Variants in NMS observed in about 807,000 individuals in gnomAD.
The protein encoded by NMS is neuromedin S.
NMS carries 30 observed loss-of-function variants against 32.2 expected under a neutral mutation model. The ratio of observed to expected loss-of-function variants is 0.93; its 90% CI spans 0.70 to 1.26. NMS has a LOEUF of 1.26. NMS is among the 50% of genes most tolerant of loss of function. The pLI is 0.00. For missense variants in NMS, 190 were observed against 186.3 expected (o/e 1.02, Z -0.12); for synonymous variants, 76 against 58.5 (o/e 1.30, Z -1.37).
intron 7 of NMS, 89 bp downstream of exon 7, chr2:100,480,620 C>G (rs1188071614): frequency 2.0e-5 from 26 of 1,312,818 alleles, no homozygotes; most frequent in Non-Finnish European, 2.6e-5. Context: ...ACCCTGCAGC[C>G]CCTCCAGACC....
rs1573239589 is a variant in NMS at position 100,482,807 on chromosome 2, G to A, written c.450-445G>A. Among the ~76,000 whole-genome samples, 4 of 152,320 alleles carry A rather than the reference G, an allele frequency of 2.6e-5. No homozygotes were observed. The South Asian group carries it at 8.3e-4, about 32-fold the overall frequency. On this transcript the variant is annotated intron_variant, in intron 9 of 9. Transcript: ENST00000376865. ...GAGATCCAGAGTTTTAATCTGGAAC[G>A]ATTCCTTGGCCTTCAGGCCTGTGGA...
chr2:100,482,765 C>T (rs1458660627), intron 9 of NMS, among the ~76,000 whole-genome samples: 1 of 152,202 alleles, frequency 6.6e-6, no homozygotes, highest in African/African-American at 2.4e-5. Context: ...GCTGTTTCCC[C>T]CTTCCAATGG....
intron 6 of NMS, 65 bp downstream of exon 6, chr2:100,479,492 C>A: frequency 7.3e-7 from 1 of 1,367,808 alleles, no homozygotes; most frequent in Non-Finnish European, 1.0e-6. Context: ...GTGGTAAAAG[C>A]ATGCTGTCAC....
intron 1 of NMS, among the ~76,000 whole-genome samples, chr2:100,471,074 G>A (rs1044082811): frequency 3.3e-5 from 5 of 152,164 alleles, no homozygotes; most frequent in Non-Finnish European, 7.4e-5. Context: ...ACCGGAAGCC[G>A]CTACCTCCCG....
At chr2:100,481,587 G>A (rs2104339902) in intron 8 of NMS, among the ~76,000 whole-genome samples, 1 of 152,264 alleles carries the variant, frequency 6.6e-6, no homozygotes, top group East Asian at 1.9e-4. Flanking sequence ...TTTAGATTTT[G>A]ATCAGCCATT....
intron 3 of NMS, among the ~76,000 whole-genome samples, chr2:100,475,362 C>G (rs1172134402): frequency 1.3e-5 from 2 of 152,082 alleles, no homozygotes; most frequent in South Asian, 4.2e-4. Context: ...CAGAATAGGC[C>G]AAGTCTGTGA....
intron 8 of NMS, among the ~76,000 whole-genome samples, chr2:100,481,600 C>T (rs1288735741): frequency 6.6e-6 from 1 of 152,172 alleles, no homozygotes; most frequent in East Asian, 1.9e-4. Context: ...CAGCCATTCA[C>T]TAGCTGTGCT....
At chr2:100,478,193 C>G (rs747648378) in intron 5 of NMS, among the ~76,000 whole-genome samples, 4 of 152,042 alleles carry the variant, frequency 2.6e-5, no homozygotes, top group Non-Finnish European at 4.4e-5. Context: ...AACTCCTGAC[C>G]TCAGGCCATC....
intron 6 of NMS, 129 bp from the exon 7 acceptor site, chr2:100,480,367 C>A: frequency 2.2e-6 from 2 of 897,106 alleles, no homozygotes; most frequent in South Asian, 1.6e-5. Context: ...CCATGCTCTC[C>A]ACCTCCTCTT....
chr2:100,477,340 T>G, intron 4 of NMS, 21 bp from the exon 5 acceptor site: 3 of 1,612,460 alleles, frequency 1.9e-6, no homozygotes, highest in Non-Finnish European at 2.5e-6. Flanking sequence ...GATACTAATA[T>G]CACTTTCTTT....
intron 8 of NMS, 149 bp downstream of exon 8, chr2:100,481,316 C>G: frequency 1.2e-6 from 1 of 803,896 alleles, no homozygotes; most frequent in East Asian, 2.5e-5. Flanking sequence ...GGGAATCACT[C>G]CAAGTAAAAA....
At position 100,481,141 on chromosome 2, in the gene NMS, TG is replaced by T. The variant is rs765266019; in HGVS notation, c.392del (p.Gly131AspfsTer?). 1 of 1,614,170 alleles carries T rather than the reference TG, an allele frequency of 6.2e-7. No homozygotes were observed. The highest frequency in any genetic ancestry group is 1.1e-5 in the South Asian group (1 of 91,080). On this transcript the variant is annotated frameshift_variant, in exon 8 of 10. Coordinates refer to ENST00000376865, the MANE Select transcript of NMS (RefSeq NM_001011717.1). LOFTEE classifies it high-confidence loss of function. ...DFTKKDHTAT[W>X]GRPFFLFRPR... is the part of the protein sequence containing the mutation. ...TATGTTGCAGGATCACACTGCGACC[TG>T]GGGACGACCCTTTTTCCTTTTCAGG...
In NMS at chr2:100,478,110, C is replaced by G. The variant is rs572848479; in HGVS notation, c.261+696C>G. Among the ~76,000 whole-genome samples, 3 of 152,008 alleles carry G rather than the reference C, an allele frequency of 2.0e-5. No individual in the cohort carries two copies. The South Asian group carries it at 6.3e-4, about 32-fold the overall frequency. On this transcript the variant is annotated intron_variant, in intron 5 of 9. Coordinates refer to ENST00000376865, the MANE Select transcript of NMS (RefSeq NM_001011717.1). ...CCAAGTAGCTGGGATTACAGGCATG[C>G]GCCACCATGCCTGGCTAATGTTTGT...
chr2:100,474,515 G>T (rs1179252311), intron 3 of NMS, among the ~76,000 whole-genome samples: 2 of 152,182 alleles, frequency 1.3e-5, no homozygotes, highest in Non-Finnish European at 2.9e-5. Context: ...AAAATACCTG[G>T]TTTCAAAATC....
At chr2:100,482,254 T>TA in intron 8 of NMS, 23 bp from the exon 9 acceptor site, 2 of 1,612,858 alleles carry the variant, frequency 1.2e-6, no homozygotes, top group Non-Finnish European at 1.7e-6. Context: ...TCAGTATTCA[T>TA]AAGTTGCTCC....
At chr2:100,473,147 A>G (rs1188784113) in intron 2 of NMS, among the ~76,000 whole-genome samples, 1 of 152,214 alleles carries the variant, frequency 6.6e-6, no homozygotes, top group African/African-American at 2.4e-5. Context: ...CGTTGTCTAA[A>G]TTTTAAATGC....
chr2:100,483,070 A>T (rs1393583837), intron 9 of NMS, among the ~76,000 whole-genome samples, 182 bp from the exon 10 acceptor site: 1 of 152,232 alleles, frequency 6.6e-6, no homozygotes. Flanking sequence ...TAATGCCCTA[A>T]TTAGATAGAC....
rs865906476 is a variant in NMS, at chr2:100,475,986, G to A, written c.184-1258G>A. Among the ~76,000 whole-genome samples the A allele has an allele frequency of 1.6e-4, 21 of 130,070 alleles. No individual in the cohort carries two copies. The South Asian group carries it at 5.0e-3, about 31-fold the overall frequency. 85.3% of individuals were successfully genotyped at this position (130,070 alleles called of 152,430 possible). ...TGCACTCAAGCCTGGGTGATGGAGCGAGACCCTATCTCCAAAAAAAAAAAA... is the reference window on the plus strand; with the variant it reads ...TGCACTCAAGCCTGGGTGATGGAGCAAGACCCTATCTCCAAAAAAAAAAAA... On this transcript the variant is annotated intron_variant, in intron 3 of 9. Transcript: ENST00000376865.
At chr2:100,476,542 A>C (rs1225743714) in intron 3 of NMS, among the ~76,000 whole-genome samples, 2 of 152,242 alleles carry the variant, frequency 1.3e-5, no homozygotes, top group Non-Finnish European at 2.9e-5. Context: ...GTTTCAGCAG[A>C]TTCAAAAATC....
Sources: allele counts gnomAD v4.1 joint callset (sites outside exome capture counted in the v4.1 genomes callset), GRCh38; gene constraint gnomAD v4.1.1; transcripts MANE v1.5; gene names NCBI Gene and HGNC (gene_info 2026-07-23, HGNC 2026-07-21).